NKAIN2: variants seen among roughly 807,000 people sequenced by gnomAD.
NKAIN2 encodes sodium/potassium-transporting ATPase subunit beta-1-interacting protein 2.
NKAIN2 carries 14 observed loss-of-function variants against 32.6 expected under a neutral mutation model. The observed-to-expected ratio is 0.43, with a 90% CI of 0.28 to 0.67. The LOEUF is 0.67. Among genes scored for constraint, NKAIN2 ranks in the 30% least tolerant of loss-of-function variants. The probability of loss-of-function intolerance (pLI) is 0.17; values close to 1 mark genes in which losing one functional copy is unlikely to be tolerated. For missense variants in NKAIN2, 198 were observed against 258.3 expected, an observed-to-expected ratio of 0.77 and a Z score of 1.60; for synonymous variants, 80 against 87.2, an observed-to-expected ratio of 0.92 and a Z score of 0.46.
At chr6:124,006,790 T>C (rs1259864235) in intron 1 of NKAIN2, among the ~76,000 whole-genome samples, 2 of 152,164 alleles carry the variant, frequency 1.3e-5, no homozygotes, top group Admixed American at 1.3e-4. Flanking sequence ...CATGGACTAT[T>C]AGGGGAGCAA....
chr6:124,572,134 C>A (rs1281929905), intron 3 of NKAIN2, among the ~76,000 whole-genome samples: 1 of 152,204 alleles, frequency 6.6e-6, no homozygotes, highest in Non-Finnish European at 1.5e-5. Flanking sequence ...TATCCCAGTT[C>A]ATGCCATCAA....
intron 1 of NKAIN2, among the ~76,000 whole-genome samples, chr6:123,965,134 C>A (rs1016995896): frequency 6.6e-5 from 10 of 152,170 alleles, no homozygotes; most frequent in African/African-American, 2.4e-4. Context: ...CCATCCACCC[C>A]CTGGCACTGA....
intron 1 of NKAIN2, among the ~76,000 whole-genome samples, chr6:123,991,424 A>AG (rs1421685108): frequency 6.6e-6 from 1 of 151,982 alleles, no homozygotes; most frequent in East Asian, 1.9e-4. Flanking sequence ...GAGGAAAAAA[A>AG]GTTTGGAAGG....
intron 4 of NKAIN2, among the ~76,000 whole-genome samples, chr6:124,751,383 G>T (rs796806385): frequency 1.5e-4 from 23 of 152,084 alleles, no homozygotes; most frequent in African/African-American, 5.3e-4. Context: ...GAAAAGGGGT[G>T]TTAGGAGCCT....
intron 1 of NKAIN2, among the ~76,000 whole-genome samples, chr6:124,017,149 G>A (rs117610809): frequency 0.02 from 3,037 of 152,268 alleles, 49 homozygotes; most frequent in Middle Eastern, 0.034. Context: ...ATGGCAGTAG[G>A]CAAGAGGGCT....
intron 3 of NKAIN2, among the ~76,000 whole-genome samples, chr6:124,615,949 C>T (rs2115006072): frequency 6.6e-6 from 1 of 152,206 alleles, no homozygotes; most frequent in Admixed American, 6.5e-5. Flanking sequence ...TTCTACTACT[C>T]TGCTAAAATT....
In NKAIN2 at chr6:124,490,051, T is replaced by A. The variant is rs990046971; in HGVS notation, c.273+134704T>A. Among the ~76,000 whole-genome samples the A allele has an allele frequency of 1.1e-4, 16 of 151,808 alleles. 1 individual carries two copies. The highest frequency in any genetic ancestry group is 9.9e-4 in the Admixed American group (15 of 15,216). On this transcript the variant is annotated intron_variant, in intron 3 of 6. Coordinates refer to ENST00000368417, the MANE Select transcript of NKAIN2 (RefSeq NM_001040214.3). ...TTTGGTATGGAATTGTGAGGGGACT[T>A]TTATCAGTTAATATTAATATATACT... is the stretch of plus-strand genomic sequence containing the variant.
chr6:124,412,233 T>C (rs1319646567), intron 3 of NKAIN2, among the ~76,000 whole-genome samples: 1 of 152,208 alleles, frequency 6.6e-6, no homozygotes, highest in East Asian at 1.9e-4. Context: ...AGCTGTTCTT[T>C]TGGAGGAGGA....
At chr6:124,722,243 C>A (rs1028645285) in intron 4 of NKAIN2, among the ~76,000 whole-genome samples, 2 of 152,184 alleles carry the variant, frequency 1.3e-5, no homozygotes, top group African/African-American at 4.8e-5. Flanking sequence ...GTTGCTTTCA[C>A]CTTTTGGCTA....
intron 3 of NKAIN2, among the ~76,000 whole-genome samples, chr6:124,417,504 ATTT>A (rs1562171193): frequency 6.6e-6 from 1 of 152,110 alleles, no homozygotes; most frequent in East Asian, 1.9e-4. Context: ...TTATTTATTT[ATTT>A]ATTTATTAAC....
chr6:124,756,359 T>TTTTG lies in NKAIN2; in HGVS notation c.475-34964_475-34961dup, dbSNP rs544951888. Among the ~76,000 whole-genome samples, 250 of 152,212 alleles carry TTTTG rather than the reference T, an allele frequency of 1.6e-3. 3 individuals carry two copies. Among genetic ancestry groups the TTTTG allele is most frequent in the African/African-American group, 5.4e-3 (224 of 41,558 alleles). ...AGACACAGGTGTGAACCCATTTCGTTTTTGTTTGTTTGTTTGTTTTGGAAG... is the reference window on the plus strand; with the variant it reads ...AGACACAGGTGTGAACCCATTTCGTTTTTGTTTGTTTGTTTGTTTGTTTTGGAAG... On this transcript the variant is annotated intron_variant, in intron 4 of 6. Coordinates refer to ENST00000368417, the MANE Select transcript of NKAIN2 (RefSeq NM_001040214.3).
chr6:123,911,364 A>C (rs1332820615), intron 1 of NKAIN2, among the ~76,000 whole-genome samples: 1 of 152,030 alleles, frequency 6.6e-6, no homozygotes, highest in Non-Finnish European at 1.5e-5. Context: ...GGTGAAAGGG[A>C]GTGGACATCA....
At chr6:124,114,148 C>T (rs748792262) in intron 1 of NKAIN2, among the ~76,000 whole-genome samples, 21 of 152,114 alleles carry the variant, frequency 1.4e-4, no homozygotes, top group African/African-American at 4.8e-4. Context: ...TTCTAGCTAA[C>T]GTGTTGTGTT....
intron 1 of NKAIN2, among the ~76,000 whole-genome samples, chr6:123,824,949 T>G (rs964201592): frequency 1.3e-5 from 2 of 152,116 alleles, no homozygotes; most frequent in South Asian, 4.1e-4. Flanking sequence ...CAATCTGTCT[T>G]AACCCATTTG....
chr6:124,531,797 A>G (rs1779536537), intron 3 of NKAIN2, among the ~76,000 whole-genome samples: 1 of 152,050 alleles, frequency 6.6e-6, no homozygotes, highest in Non-Finnish European at 1.5e-5. Context: ...TGGCCTTCCA[A>G]TTAGCTGGGA....
intron 1 of NKAIN2, among the ~76,000 whole-genome samples, chr6:123,940,308 GT>G (rs1776755121): frequency 6.6e-6 from 1 of 151,754 alleles, no homozygotes; most frequent in South Asian, 2.1e-4. Context: ...TGGTTTGTGT[GT>G]GTGTGTGTGT....
At chr6:124,786,196 T>C (rs1486178858) in intron 4 of NKAIN2, among the ~76,000 whole-genome samples, 2 of 152,070 alleles carry the variant, frequency 1.3e-5, no homozygotes, top group Non-Finnish European at 2.9e-5. Flanking sequence ...AAGTCTGGTG[T>C]ATATGAAATA....
At chr6:123,829,920 G>T (rs1378237277) in intron 1 of NKAIN2, among the ~76,000 whole-genome samples, 1 of 152,102 alleles carries the variant, frequency 6.6e-6, no homozygotes. Flanking sequence ...GCATAAGCTG[G>T]GGACATGTAT....
intron 1 of NKAIN2, among the ~76,000 whole-genome samples, chr6:124,127,105 G>T (rs1275503888): frequency 6.6e-6 from 1 of 152,126 alleles, no homozygotes; most frequent in African/African-American, 2.4e-5. Flanking sequence ...AGTAAGTTCT[G>T]AATTATGTGT....
Sources: allele counts gnomAD v4.1 joint callset (sites outside exome capture counted in the v4.1 genomes callset), GRCh38; gene constraint gnomAD v4.1.1; transcripts MANE v1.5; gene names NCBI Gene and HGNC (gene_info 2026-07-23, HGNC 2026-07-21).